Variants in INSYN2B observed in about 807,000 individuals in gnomAD.
The protein encoded by INSYN2B is inhibitory synaptic factor family member 2B, also known as protein INSYN2B.
A neutral mutation model predicts 41.2 loss-of-function variants in INSYN2B; 16 were observed. That is an observed-to-expected ratio of 0.39 (90% CI 0.26 to 0.59). INSYN2B has a LOEUF of 0.59. Among genes scored for constraint, INSYN2B ranks in the 20% least tolerant of loss-of-function variants. The pLI is 0.57. For missense variants in INSYN2B, 608 were observed against 646.4 expected (o/e 0.94, Z 0.64); for synonymous variants, 245 against 244.4 (o/e 1.00, Z -0.02).
intron 1 of INSYN2B, among the ~76,000 whole-genome samples, chr5:169,912,395 G>A (rs891276526): frequency 1.3e-5 from 2 of 152,088 alleles, no homozygotes; most frequent in African/African-American, 4.8e-5. Context: ...TGGCTTTCAG[G>A]ATTGTTGCTC....
intron 3 of INSYN2B, among the ~76,000 whole-genome samples, chr5:169,873,780 C>T (rs1035826660): frequency 1.3e-5 from 2 of 152,210 alleles, no homozygotes; most frequent in African/African-American, 4.8e-5. Flanking sequence ...GTGGCCAAAT[C>T]GCTTAACCAA....
intron 2 of INSYN2B, 87 bp downstream of exon 2, chr5:169,882,466 A>T: frequency 8.7e-7 from 1 of 1,143,090 alleles, no homozygotes; most frequent in Non-Finnish European, 1.2e-6. Flanking sequence ...AGACATTTTT[A>T]CTAAAAGAAA....
chr5:169,889,142 T>C (rs1441765823), intron 1 of INSYN2B, among the ~76,000 whole-genome samples: 1 of 152,222 alleles, frequency 6.6e-6, no homozygotes, highest in African/African-American at 2.4e-5. Flanking sequence ...TATAATCCTG[T>C]ATTATCTAAT....
At chr5:169,978,092 T>C (rs994245031) in intron 1 of INSYN2B, among the ~76,000 whole-genome samples, 2 of 152,124 alleles carry the variant, frequency 1.3e-5, no homozygotes, top group Admixed American at 1.3e-4. Flanking sequence ...TTCTATATTT[T>C]ATTTTATTTT....
At chr5:169,926,252 C>G (rs1017112278) in intron 1 of INSYN2B, among the ~76,000 whole-genome samples, 3 of 152,332 alleles carry the variant, frequency 2.0e-5, no homozygotes, top group Admixed American at 2.0e-4. Context: ...CTGATTGTCT[C>G]TCACCTGCCA....
intron 1 of INSYN2B, among the ~76,000 whole-genome samples, chr5:169,936,093 G>T (rs1319296649): frequency 6.6e-6 from 1 of 152,096 alleles, no homozygotes; most frequent in African/African-American, 2.4e-5. Flanking sequence ...AAACAAAATC[G>T]TTCCCCACTT....
At chr5:169,874,675 A>C (rs1282171428) in intron 3 of INSYN2B, among the ~76,000 whole-genome samples, 1 of 152,168 alleles carries the variant, frequency 6.6e-6, no homozygotes, top group African/African-American at 2.4e-5. Context: ...TCCCTTGGCC[A>C]GGGAGCAGAA....
intron 1 of INSYN2B, among the ~76,000 whole-genome samples, chr5:169,939,065 T>A (rs890143742): frequency 2.0e-5 from 3 of 151,210 alleles, no homozygotes; most frequent in Non-Finnish European, 3.0e-5. Flanking sequence ...CACCACGCCC[T>A]GCTAATTTTT....
intron 1 of INSYN2B, among the ~76,000 whole-genome samples, chr5:169,967,841 C>T (rs6883231): frequency 0.28 from 41,883 of 151,836 alleles, 6,079 homozygotes; most frequent in Non-Finnish European, 0.33. Flanking sequence ...AGAAAAATTT[C>T]TAAATCCCCA....
chr5:169,869,022 A>G (rs1036909524), intron 3 of INSYN2B, among the ~76,000 whole-genome samples: 14 of 152,154 alleles, frequency 9.2e-5, no homozygotes, highest in African/African-American at 3.4e-4. Flanking sequence ...GAGTTACACT[A>G]GCTTCCTCGC....
chr5:169,922,793 A>G (rs111530354), intron 1 of INSYN2B, among the ~76,000 whole-genome samples: 45 of 152,322 alleles, frequency 3.0e-4, no homozygotes, highest in African/African-American at 9.1e-4. Context: ...TTGATTGGAT[A>G]TAACCTACAT....
At chr5:169,967,501 G>A (rs1777346508) in intron 1 of INSYN2B, among the ~76,000 whole-genome samples, 1 of 152,156 alleles carries the variant, frequency 6.6e-6, no homozygotes, top group Admixed American at 6.5e-5. Context: ...AAAGGGAAGA[G>A]TAGGAAGAGT....
At chr5:169,975,880 A>C (rs1439334753) in intron 1 of INSYN2B, among the ~76,000 whole-genome samples, 2 of 152,202 alleles carry the variant, frequency 1.3e-5, no homozygotes, top group Non-Finnish European at 2.9e-5. Flanking sequence ...CATGCCTGGC[A>C]CATAGTAGGT....
chr5:169,919,580 A>G lies in INSYN2B; in HGVS notation c.-918-34764T>C, dbSNP rs1775061608. The stretch of plus-strand genomic sequence containing the variant: ...GATGTGGACATTAAACTGATCATTA[A>G]TGGTTTGAAGAAGTGGTAAGTGTAT... On this transcript the variant is annotated intron_variant, in intron 1 of 3. Transcript: ENST00000377365. 4.6e-5 allele frequency among the ~76,000 whole-genome samples: 7 copies of G among 152,156 alleles called. No individual in the cohort carries two copies. In the South Asian group the frequency reaches 1.5e-3, roughly 32 times the overall value.
At chr5:169,938,366 G>A (rs954591000) in intron 1 of INSYN2B, among the ~76,000 whole-genome samples, 2 of 152,086 alleles carry the variant, frequency 1.3e-5, no homozygotes, top group African/African-American at 2.4e-5. Flanking sequence ...GAACATCAGA[G>A]TGTACTCACA....
At chr5:169,928,916 A>G (rs557768758) in intron 1 of INSYN2B, among the ~76,000 whole-genome samples, 1 of 152,326 alleles carries the variant, frequency 6.6e-6, no homozygotes, top group Admixed American at 6.5e-5. Context: ...ATAGTGGAAT[A>G]ATTAGCAGAT....
intron 1 of INSYN2B, among the ~76,000 whole-genome samples, chr5:169,949,685 C>CTTTTTTTTTTTT (rs1373609242): frequency 6.9e-6 from 1 of 144,220 alleles, no homozygotes; most frequent in East Asian, 2.0e-4. Context: ...TCAATGTGAT[C>CTTTTTTTTTTTT]TTTAAAATAA....
At chr5:169,927,867 C>T (rs578046071) in intron 1 of INSYN2B, among the ~76,000 whole-genome samples, 46 of 152,274 alleles carry the variant, frequency 3.0e-4, no homozygotes, top group African/African-American at 9.6e-4. Flanking sequence ...CCACCCGTCT[C>T]GGCCTCCCAA....
At chr5:169,946,267 C>A (rs981208050) in intron 1 of INSYN2B, among the ~76,000 whole-genome samples, 5 of 152,178 alleles carry the variant, frequency 3.3e-5, no homozygotes, top group African/African-American at 1.2e-4. Flanking sequence ...GTGTTCCAGC[C>A]CCCCACATCC....
Sources: gnomAD v4.1 joint callset for allele counts (sites outside exome capture counted in the v4.1 genomes callset) on GRCh38, gnomAD v4.1.1 for gene constraint, MANE v1.5 for transcripts, NCBI Gene and HGNC (gene_info 2026-07-23, HGNC 2026-07-21) for gene names.